ANKRD30B: variants seen among roughly 807,000 people sequenced by gnomAD.
ANKRD30B encodes ankyrin repeat domain 30B, also known as ankyrin repeat domain-containing protein 30B.
Under a neutral mutation model 202.2 loss-of-function variants are expected in ANKRD30B, and 144 were observed. The ratio of observed to expected loss-of-function variants is 0.71; its 90% CI spans 0.62 to 0.82. The LOEUF (loss-of-function observed/expected upper bound fraction) is 0.82, where lower values mean the gene tolerates loss of function less well. Among genes scored for constraint, ANKRD30B ranks in the 40% least tolerant of loss-of-function variants. The probability of loss-of-function intolerance (pLI) is 0.00; values close to 1 mark genes in which losing one functional copy is unlikely to be tolerated. For missense variants in ANKRD30B, 1,487 were observed against 1,669.1 expected, an observed-to-expected ratio of 0.89 and a Z score of 1.90; for synonymous variants, 508 against 561.3, an observed-to-expected ratio of 0.91 and a Z score of 1.34.
chr18:14,798,309 T>G (rs1969063695), intron 20 of ANKRD30B, among the ~76,000 whole-genome samples: 1 of 151,996 alleles, frequency 6.6e-6, no homozygotes, highest in Admixed American at 6.6e-5. Context: ...GATGGTCACA[T>G]GGGGATGAAG....
the ANKRD30B span, among the ~76,000 whole-genome samples, chr18:14,865,919 T>G: frequency 6.6e-6 from 1 of 152,174 alleles, no homozygotes; most frequent in Non-Finnish European, 1.5e-5. Context: ...CAGCACCATT[T>G]ATGTACTGAG....
intron 9 of ANKRD30B, among the ~76,000 whole-genome samples, chr18:14,773,165 T>C (rs183242976): frequency 1.6e-4 from 24 of 152,300 alleles, no homozygotes; most frequent in Middle Eastern, 3.4e-3. Flanking sequence ...AATTTCAGAA[T>C]TTTTAAATTG....
chr18:14,843,928 T>G (rs1971528589), intron 39 of ANKRD30B, among the ~76,000 whole-genome samples: 1 of 152,218 alleles, frequency 6.6e-6, no homozygotes, highest in Non-Finnish European at 1.5e-5. Flanking sequence ...GGTAAACAAT[T>G]GTCTAAACTG....
At chr18:14,846,234 T>C (rs2143225396) in intron 39 of ANKRD30B, among the ~76,000 whole-genome samples, 1 of 152,198 alleles carries the variant, frequency 6.6e-6, no homozygotes, top group African/African-American at 2.4e-5. Context: ...CAAAATACTT[T>C]CTAATTTTTC....
chr18:14,835,500 A>G (rs1971132830), intron 34 of ANKRD30B, among the ~76,000 whole-genome samples: 2 of 151,782 alleles, frequency 1.3e-5, no homozygotes, highest in African/African-American at 4.8e-5. Flanking sequence ...TACACCTTGC[A>G]CATATATTTG....
chr18:14,776,670 G>A (rs1258936808), intron 9 of ANKRD30B, among the ~76,000 whole-genome samples: 1 of 152,202 alleles, frequency 6.6e-6, no homozygotes, highest in Non-Finnish European at 1.5e-5. Context: ...TATGTTAGAT[G>A]TTTCACGAAC....
At position 14,753,699 on chromosome 18, in the gene ANKRD30B, A is replaced by G. The variant is rs35020966; in HGVS notation, c.510+687A>G. 3.0e-3 allele frequency among the ~76,000 whole-genome samples: 456 copies of G among 152,282 alleles called. 2 individuals are homozygous for G. The highest frequency in any genetic ancestry group is 4.8e-3 in the Non-Finnish European group (329 of 67,998). On this transcript the variant is annotated intron_variant, in intron 3 of 43. Transcript: ENST00000690538. The stretch of plus-strand genomic sequence containing the variant: ...ACTTTTTAAACAATGATTTTTCTGT[A>G]TATAAACCATAAATAATAATCTTTT...
intron 26 of ANKRD30B, 31 bp downstream of exon 26, chr18:14,808,775 A>G (rs1367266510): frequency 7.1e-7 from 1 of 1,413,788 alleles, no homozygotes; most frequent in Non-Finnish European, 9.6e-7. Context: ...TTTAATCTGG[A>G]ATTAAGAATA....
At chr18:14,854,830 CG>C (rs1568080829), downstream of ANKRD30B, among the ~76,000 whole-genome samples, 1 of 108,998 alleles carries the variant, frequency 9.2e-6, no homozygotes, top group African/African-American at 3.7e-5. Flanking sequence ...AAACTATCCA[CG>C]AACACACACA....
At chr18:14,904,153 G>A in the ANKRD30B span, among the ~76,000 whole-genome samples, 7 of 152,258 alleles carry the variant, frequency 4.6e-5, no homozygotes, top group South Asian at 4.1e-4. Flanking sequence ...TGTGTTTATC[G>A]GTGATCAGTT....
Position 14,748,464 on chromosome 18 carries a change from G to T in ANKRD30B, c.45G>T (p.Pro15=), listed in dbSNP as rs369289019. The change falls in exon 1 of 44, where the codon CCG becomes CCT. Residue 15 remains proline (P), a synonymous_variant. Coordinates refer to ENST00000690538, the MANE Select transcript of ANKRD30B (RefSeq NM_001367607.2). ...LAAAGKGVRG[P]EPPNPFSERV... is the part of the protein sequence containing the mutation. Reference sequence around the variant, plus strand: ...CCGCTGGCAAGGGCGTGCGGGGCCCGGAGCCCCCGAACCCCTTCAGCGAAC... The same window carrying T: ...CCGCTGGCAAGGGCGTGCGGGGCCCTGAGCCCCCGAACCCCTTCAGCGAAC... 418 of 1,538,734 alleles carry T rather than the reference G, an allele frequency of 2.7e-4. 2 individuals carry two copies. In the African/African-American group the frequency reaches 5.1e-3, roughly 19 times the overall value.
the ANKRD30B span, chr18:14,888,867 C>G: frequency 6.4e-6 from 6 of 943,956 alleles, no homozygotes; most frequent in Non-Finnish European, 9.6e-6. Flanking sequence ...AGAATTAGTC[C>G]TTTGAAGTTA....
the ANKRD30B span, among the ~76,000 whole-genome samples, chr18:14,902,092 T>G: frequency 1.3e-5 from 2 of 151,742 alleles, no homozygotes; most frequent in African/African-American, 4.8e-5. Context: ...CCTGAAAAAA[T>G]CAGATTTTGT....
chr18:14,794,684 C>CT (rs1568019064), intron 16 of ANKRD30B, among the ~76,000 whole-genome samples: 1 of 152,104 alleles, frequency 6.6e-6, no homozygotes, highest in African/African-American at 2.4e-5. Context: ...ATTTTAAGCA[C>CT]TTTTTTTCTA....
intron 10 of ANKRD30B, among the ~76,000 whole-genome samples, chr18:14,779,465 A>C (rs1285325517): frequency 6.6e-6 from 1 of 152,336 alleles, no homozygotes; most frequent in South Asian, 2.1e-4. Context: ...GGCATATTGA[A>C]ATTTCAAAGG....
downstream of ANKRD30B, among the ~76,000 whole-genome samples, chr18:14,856,009 C>T (rs542021730): frequency 9.4e-4 from 124 of 132,200 alleles, no homozygotes; most frequent in South Asian, 1.8e-3. Context: ...CCAGACTGGG[C>T]GGCCAGGCAG....
chr18:14,808,790 A>G (rs1459835236), intron 26 of ANKRD30B, 46 bp downstream of exon 26: 2 of 1,409,748 alleles, frequency 1.4e-6, no homozygotes, highest in Non-Finnish European at 1.9e-6. Context: ...AGAATATTAA[A>G]CTATTTGAAA....
the ANKRD30B span, among the ~76,000 whole-genome samples, chr18:14,916,719 G>A: frequency 6.6e-6 from 1 of 152,196 alleles, no homozygotes; most frequent in African/African-American, 2.4e-5. Flanking sequence ...TTATGCAAAC[G>A]CAGTTGATCT....
intron 24 of ANKRD30B, 102 bp from the exon 25 acceptor site, chr18:14,808,449 A>G (rs773759949): frequency 3.2e-6 from 4 of 1,245,590 alleles, no homozygotes; most frequent in Non-Finnish European, 3.5e-6. Flanking sequence ...TCCCTTTTCA[A>G]TCCAAGCATG....
Sources: allele counts gnomAD v4.1 joint callset (sites outside exome capture counted in the v4.1 genomes callset), GRCh38; gene constraint gnomAD v4.1.1; transcripts MANE v1.5; gene names NCBI Gene and HGNC (gene_info 2026-07-23, HGNC 2026-07-21).